Variants in BMP6 observed in about 807,000 individuals in gnomAD.
BMP6 encodes VG-1-R.
A neutral mutation model predicts 54.1 loss-of-function variants in BMP6; 17 were observed. The ratio of observed to expected loss-of-function variants is 0.31; its 90% CI spans 0.22 to 0.47. The LOEUF is 0.47. Ranked by LOEUF, BMP6 falls within the 20% of genes least tolerant of loss-of-function variation. The pLI, the probability that BMP6 is intolerant of heterozygous loss-of-function variation, is 1.00. For synonymous variants in BMP6, 328 were observed against 291.2 expected (o/e 1.13, Z -1.28); for missense variants, 720 against 690.4 (o/e 1.04, Z -0.48).
intron 4 of BMP6, among the ~76,000 whole-genome samples, chr6:7,878,836 G>A (rs1009269839): frequency 5.3e-5 from 8 of 152,190 alleles, no homozygotes; most frequent in African/African-American, 1.4e-4. Flanking sequence ...TTGCTTAAGG[G>A]TGTCCATTCA....
chr6:7,851,713 A>G (rs978721056), intron 2 of BMP6, among the ~76,000 whole-genome samples: 9 of 152,148 alleles, frequency 5.9e-5, no homozygotes, highest in African/African-American at 2.2e-4. Flanking sequence ...TTTTGTAGAT[A>G]ACTCTTCAGT....
rs551377873 is a variant in BMP6, at chr6:7,844,489, CAG to C, written c.665-648_665-647del. The stretch of plus-strand genomic sequence containing the variant: ...CCAGTGTGGAGAGTCCCCCACTGCT[CAG>C]AGTCGTGGAGCCTTCAGGTTCTACC... On this transcript the variant is annotated intron_variant, in intron 1 of 6. Transcript: ENST00000283147. Among the ~76,000 whole-genome samples the C allele has an allele frequency of 1.5e-3, 234 of 152,210 alleles. 2 individuals are homozygous for C. The highest frequency in any genetic ancestry group is 5.4e-3 in the African/African-American group (225 of 41,520).
chr6:7,777,087 C>T (rs557784423), intron 1 of BMP6, among the ~76,000 whole-genome samples: 23 of 152,312 alleles, frequency 1.5e-4, no homozygotes, highest in African/African-American at 5.5e-4. Flanking sequence ...AAATCACAGC[C>T]CTTAGGGCTC....
At chr6:7,771,398 T>C (rs1757784339) in intron 1 of BMP6, among the ~76,000 whole-genome samples, 1 of 152,164 alleles carries the variant, frequency 6.6e-6, no homozygotes, top group Non-Finnish European at 1.5e-5. Flanking sequence ...CTGCACTGAG[T>C]TGACCCAGAT....
At chr6:7,848,328 T>A (rs1759096713) in intron 2 of BMP6, among the ~76,000 whole-genome samples, 1 of 152,200 alleles carries the variant, frequency 6.6e-6, no homozygotes, top group Non-Finnish European at 1.5e-5. Flanking sequence ...ACTACACCTA[T>A]AGATAACATC....
intron 1 of BMP6, among the ~76,000 whole-genome samples, chr6:7,791,049 A>G (rs1758097181): frequency 6.6e-6 from 1 of 151,974 alleles, no homozygotes; most frequent in Non-Finnish European, 1.5e-5. Flanking sequence ...TCCTCCGACA[A>G]AATCCAAAAG....
At chr6:7,783,316 T>C (rs1757974851) in intron 1 of BMP6, among the ~76,000 whole-genome samples, 1 of 152,184 alleles carries the variant, frequency 6.6e-6, no homozygotes, top group Non-Finnish European at 1.5e-5. Flanking sequence ...GTTGTGAAAA[T>C]TAAATGAGAT....
chr6:7,777,015 T>C (rs1277279898), intron 1 of BMP6, among the ~76,000 whole-genome samples: 1 of 152,230 alleles, frequency 6.6e-6, no homozygotes, highest in East Asian at 1.9e-4. Flanking sequence ...ATTACTACAA[T>C]ATGGGGAGGA....
intron 2 of BMP6, 146 bp downstream of exon 2, chr6:7,845,478 G>T (rs1458379219): frequency 1.6e-6 from 1 of 624,056 alleles, no homozygotes. Flanking sequence ...GTTGTAAATG[G>T]GAGTGTTTAG....
intron 1 of BMP6, among the ~76,000 whole-genome samples, chr6:7,771,075 G>A (rs1048676399): frequency 6.6e-6 from 1 of 152,174 alleles, no homozygotes; most frequent in Admixed American, 6.5e-5. Flanking sequence ...GCTTGTAACA[G>A]AAATGAGACT....
intron 4 of BMP6, among the ~76,000 whole-genome samples, chr6:7,868,945 C>T (rs760648335): frequency 2.2e-4 from 33 of 152,206 alleles, no homozygotes; most frequent in Non-Finnish European, 4.0e-4. Context: ...TTCTCTCTCC[C>T]CTGCCTTTGT....
In BMP6 at chr6:7,727,594, C is replaced by A. The variant is rs924899790; in HGVS notation, c.639C>A (p.Asp213Glu). ...ACAGCGCCTTCCTCAACGACGCGGA[C>A]ATGGTCATGAGCTTTGTGAACCTGG... ...AQDSAFLNDA[D>E]MVMSFVNLVE... Residue 213 changes from aspartate (D) to glutamate (E), a missense_variant, in exon 1 of 7, where the codon GAC (aspartate) becomes GAA (glutamate). Asp to Glu is a conservative substitution (Grantham distance 45, BLOSUM62 2). Coordinates refer to ENST00000283147, the MANE Select transcript of BMP6 (RefSeq NM_001718.6). 1 of 1,576,878 alleles carries A rather than the reference C, an allele frequency of 6.3e-7. No homozygotes were observed. The highest frequency in any genetic ancestry group is 1.4e-5 in the African/African-American group (1 of 73,500).
chr6:7,730,267 T>C (rs1326528293), intron 1 of BMP6, among the ~76,000 whole-genome samples: 1 of 152,180 alleles, frequency 6.6e-6, no homozygotes, highest in Non-Finnish European at 1.5e-5. Flanking sequence ...TAACATAGTA[T>C]CTCCCTAGGG....
intron 1 of BMP6, among the ~76,000 whole-genome samples, chr6:7,800,692 C>T (rs1758256543): frequency 6.6e-6 from 1 of 152,110 alleles, no homozygotes; most frequent in African/African-American, 2.4e-5. Context: ...TCCTGGGGTT[C>T]CTTTTATTAT....
At chr6:7,784,574 TA>T (rs1757995687) in intron 1 of BMP6, among the ~76,000 whole-genome samples, 1 of 152,226 alleles carries the variant, frequency 6.6e-6, no homozygotes, top group Admixed American at 6.5e-5. Context: ...TCAATTCAGA[TA>T]TTTTTTCCAG....
intron 1 of BMP6, among the ~76,000 whole-genome samples, chr6:7,802,453 A>G (rs1758283118): frequency 6.6e-6 from 1 of 152,210 alleles, no homozygotes; most frequent in African/African-American, 2.4e-5. Context: ...GCTGTTCTTT[A>G]TTGAACTGTT....
chr6:7,802,223 G>A (rs1265470165), intron 1 of BMP6, among the ~76,000 whole-genome samples: 2 of 152,200 alleles, frequency 1.3e-5, no homozygotes, highest in Admixed American at 6.5e-5. Flanking sequence ...AGATATTTTG[G>A]ATTTAAGAGA....
chr6:7,862,362 G>T lies in BMP6; in HGVS notation c.1068G>T (p.Gln356His). Reference sequence around the variant, plus strand: ...GCAGAGACGGCCCTTACGACAAGCAGCCCTTCATGGTGGCTTTCTTCAAAG... The same window carrying T: ...GCAGAGACGGCCCTTACGACAAGCATCCCTTCATGGTGGCTTTCTTCAAAG... ...LVGRDGPYDK[Q>H]PFMVAFFKVS... The change falls in exon 4 of 7, where the codon CAG (glutamine) becomes CAT (histidine). Residue 356 changes from glutamine (Q) to histidine (H), a missense_variant. By Grantham distance (24) the Gln-to-His change is conservative. Around this residue, in one of 3 missense-constraint regions of BMP6, gnomAD observed 650 missense variants for 556.3 expected, o/e 1.17. Transcript: ENST00000283147. 1 of 1,614,204 alleles carries T rather than the reference G, an allele frequency of 6.2e-7. No individual in the cohort carries two copies. The highest frequency in any genetic ancestry group is 2.2e-5 in the East Asian group (1 of 44,884).
At chr6:7,745,619 G>C (rs10452669) in intron 1 of BMP6, among the ~76,000 whole-genome samples, 105,732 of 152,006 alleles carry the variant, frequency 0.7, 37,529 homozygotes, top group Admixed American at 0.78. Flanking sequence ...TGTTAGACAT[G>C]ACAGAGTTAA....
Sources: allele counts gnomAD v4.1 joint callset (sites outside exome capture counted in the v4.1 genomes callset), GRCh38; gene constraint gnomAD v4.1.1; regional missense constraint gnomAD v4.1.1; transcripts MANE v1.5; gene names NCBI Gene and HGNC (gene_info 2026-07-23, HGNC 2026-07-21).